Variants in MCHR2 observed in about 807,000 individuals in gnomAD.
MCHR2 encodes the protein melanin-concentrating hormone receptor 2.
A neutral mutation model predicts 24.8 loss-of-function variants in MCHR2; 15 were observed. That is an observed-to-expected ratio of 0.60 (90% CI 0.40 to 0.93). The LOEUF is 0.93. Ranked by LOEUF, MCHR2 falls within the 40% of genes least tolerant of loss-of-function variation. MCHR2 has a pLI of 0.00. For missense variants in MCHR2, 386 were observed against 408.7 expected (o/e 0.94, Z 0.48); for synonymous variants, 151 against 147.6 (o/e 1.02, Z -0.17).
rs542079653 is a variant in MCHR2, at chr6:99,926,343, T to C, written c.708-5088A>G. 2.6e-4 allele frequency among the ~76,000 whole-genome samples: 40 copies of C among 152,324 alleles called. No individual in the cohort carries two copies. The South Asian group carries it at 5.2e-3, about 20-fold the overall frequency. The stretch of plus-strand genomic sequence containing the variant: ...AGCATGATTTATAGTCCTTTGGGTA[T>C]ATACCCAGTAATGGGATGGCTGGGT... On this transcript the variant is annotated intron_variant, in intron 5 of 5. Coordinates refer to ENST00000281806, the MANE Select transcript of MCHR2 (RefSeq NM_001040179.2).
intron 1 of MCHR2, among the ~76,000 whole-genome samples, chr6:99,962,397 C>T (rs1582396230): frequency 6.6e-6 from 1 of 151,954 alleles, no homozygotes; most frequent in Non-Finnish European, 1.5e-5. Context: ...TGTGGTTGTC[C>T]ACAGGTAACT....
At chr6:99,943,804 T>C (rs1321801368) in intron 3 of MCHR2, among the ~76,000 whole-genome samples, 1 of 152,200 alleles carries the variant, frequency 6.6e-6, no homozygotes, top group Admixed American at 6.5e-5. Context: ...GCAAACTCTT[T>C]CTTTACAAAG....
chr6:99,973,675 G>T lies in MCHR2; in HGVS notation c.-27-17501C>A, dbSNP rs1775484932. ...TAGCCTTGATGGTCTTTACATTTTGGCATGTTTTTGCAGTGGCTGGTACCG... is the reference window on the plus strand; with the variant it reads ...TAGCCTTGATGGTCTTTACATTTTGTCATGTTTTTGCAGTGGCTGGTACCG... On this transcript the variant is annotated intron_variant, in intron 1 of 5. Transcript: ENST00000281806. 3.9e-5 allele frequency among the ~76,000 whole-genome samples: 6 copies of T among 152,108 alleles called. No individual in the cohort carries two copies. The South Asian group carries it at 1.0e-3, about 26-fold the overall frequency.
chr6:99,975,524 A>T (rs181039578), intron 1 of MCHR2, among the ~76,000 whole-genome samples: 2 of 152,314 alleles, frequency 1.3e-5, no homozygotes, highest in East Asian at 3.9e-4. Flanking sequence ...GCGCTTCCCA[A>T]GTGAGGCAAT....
rs138925190 is a variant in MCHR2, at chr6:99,947,845, C to T, written c.309G>A (p.Gly103=). ...GGGATGTGATGATGGTGCAGAGAGG[C>T]CCCCCAAACACCCACTCTCCCCCTC... is the stretch of plus-strand genomic sequence containing the variant. ...WARGGEWVFG[G]PLCTIITSLD... The change falls in exon 3 of 6, where the codon GGG becomes GGA. Residue 103 remains glycine (G), a synonymous_variant. Transcript: ENST00000281806. 1.6e-3 allele frequency: 2,533 copies of T among 1,613,656 alleles called. 4 individuals carry two copies. The highest frequency in any genetic ancestry group is 2.5e-3 in the South Asian group (232 of 91,068).
intron 4 of MCHR2, 46 bp from the exon 5 acceptor site, chr6:99,934,563 T>G: frequency 6.8e-7 from 1 of 1,478,562 alleles, no homozygotes; most frequent in South Asian, 1.4e-5. Context: ...AACAACACCA[T>G]TACATTAATT....
chr6:99,958,461 T>C (rs1250617496), intron 1 of MCHR2, among the ~76,000 whole-genome samples: 1 of 152,088 alleles, frequency 6.6e-6, no homozygotes, highest in East Asian at 1.9e-4. Context: ...ATAGAGTATC[T>C]TTAGGTCCTT....
At chr6:99,925,793 TG>T (rs1187371011) in intron 5 of MCHR2, among the ~76,000 whole-genome samples, 5 of 151,504 alleles carry the variant, frequency 3.3e-5, no homozygotes, top group Non-Finnish European at 5.9e-5. Context: ...TTATTATTTT[TG>T]TTTTTTTTGT....
intron 4 of MCHR2, 148 bp downstream of exon 4, chr6:99,942,801 T>C (rs1367811750): frequency 1.7e-5 from 9 of 544,892 alleles, no homozygotes; most frequent in Non-Finnish European, 2.8e-5. Context: ...CTTATCACCT[T>C]GATTGTATGT....
chr6:99,967,093 T>A (rs1775308850), intron 1 of MCHR2, among the ~76,000 whole-genome samples: 1 of 152,044 alleles, frequency 6.6e-6, no homozygotes, highest in Admixed American at 6.6e-5. Flanking sequence ...TGACACTTAC[T>A]TGAAATATGA....
chr6:99,934,319 T>C, intron 5 of MCHR2, 79 bp downstream of exon 5: 1 of 1,355,684 alleles, frequency 7.4e-7, no homozygotes, highest in Non-Finnish European at 9.7e-7. Context: ...TTCAAGTCAC[T>C]GTTGCCTAAG....
intron 1 of MCHR2, among the ~76,000 whole-genome samples, chr6:99,972,381 T>C (rs934949323): frequency 2.6e-5 from 4 of 152,228 alleles, no homozygotes; most frequent in Non-Finnish European, 5.9e-5. Context: ...GATGGTAGTT[T>C]GTATTTCTGT....
chr6:99,942,698 A>G (rs2114521026), intron 4 of MCHR2, among the ~76,000 whole-genome samples: 1 of 152,290 alleles, frequency 6.6e-6, no homozygotes, highest in East Asian at 1.9e-4. Context: ...ATGAATGTTT[A>G]AAATCCATGT....
chr6:99,980,051 A>G (rs1274443322), intron 1 of MCHR2, among the ~76,000 whole-genome samples: 1 of 152,210 alleles, frequency 6.6e-6, no homozygotes, highest in Non-Finnish European at 1.5e-5. Context: ...TTGGTGACAC[A>G]TGCTTGTTAA....
chr6:99,966,298 G>A (rs907175245), intron 1 of MCHR2, among the ~76,000 whole-genome samples: 2 of 150,192 alleles, frequency 1.3e-5, no homozygotes, highest in Non-Finnish European at 2.9e-5. Flanking sequence ...AAAACTTCAT[G>A]TTTACTATCT....
intron 4 of MCHR2, among the ~76,000 whole-genome samples, chr6:99,938,923 C>A (rs1009476327): frequency 2.0e-5 from 3 of 152,014 alleles, no homozygotes; most frequent in African/African-American, 4.8e-5. Context: ...TGAATTGACT[C>A]CTTTATCATT....
intron 1 of MCHR2, among the ~76,000 whole-genome samples, chr6:99,988,188 G>C (rs931297882): frequency 6.6e-6 from 1 of 152,182 alleles, no homozygotes; most frequent in African/African-American, 2.4e-5. Flanking sequence ...AAGTCCATAG[G>C]GTAGACTTTC....
chr6:99,971,020 G>T (rs1268021189), intron 1 of MCHR2, among the ~76,000 whole-genome samples: 2 of 152,082 alleles, frequency 1.3e-5, no homozygotes, highest in Admixed American at 6.6e-5. Flanking sequence ...TGTTCTTTTG[G>T]CTTAGGATTG....
rs1262093934 is a variant in MCHR2 at position 99,943,087 on chromosome 6, G to A, written c.449C>T (p.Thr150Ile). 3 of 1,612,572 alleles carry A rather than the reference G, an allele frequency of 1.9e-6. No individual in the cohort carries two copies. The highest frequency in any genetic ancestry group is 1.1e-5 in the South Asian group (1 of 90,942). Reference protein sequence around the residue: ...RLTRWRTRYKTIRINLGLWAA... With the variant: ...RLTRWRTRYKIIRINLGLWAA... ...CCAAAGGCCCAAATTGATCCGGATG[G>A]TCTTGTACCTTGTTCTCCAACGTGT... The change falls in exon 4 of 6, where the codon ACC becomes ATC. Residue 150 changes from threonine to isoleucine, a missense_variant. Transcript: ENST00000281806.
Sources: allele counts gnomAD v4.1 joint callset (sites outside exome capture counted in the v4.1 genomes callset), GRCh38; gene constraint gnomAD v4.1.1; transcripts MANE v1.5; gene names NCBI Gene and HGNC (gene_info 2026-07-23, HGNC 2026-07-21).